BAZ2B: variants seen among roughly 807,000 people sequenced by gnomAD.
BAZ2B encodes the protein bromodomain adjacent to zinc finger domain protein 2B.
Under a neutral mutation model 246.0 loss-of-function variants are expected in BAZ2B, and 91 were observed. That is an observed-to-expected ratio of 0.37 (90% CI 0.31 to 0.44). The LOEUF is 0.44. Among genes scored for constraint, BAZ2B ranks in the 20% least tolerant of loss-of-function variants. The probability of loss-of-function intolerance (pLI) is 1.00; values close to 1 mark genes in which losing one functional copy is unlikely to be tolerated. For synonymous variants in BAZ2B, 855 were observed against 860.0 expected (o/e 0.99, Z 0.10); for missense variants, 2,332 against 2,533.7 (o/e 0.92, Z 1.71).
intron 2 of BAZ2B, among the ~76,000 whole-genome samples, chr2:159,499,680 A>T (rs1486825619): frequency 1.3e-5 from 2 of 152,088 alleles, no homozygotes; most frequent in Non-Finnish European, 2.9e-5. Context: ...CCTCACCAGC[A>T]TCTGTTGTTT....
chr2:159,468,589 C>G (rs2077374562), intron 3 of BAZ2B, among the ~76,000 whole-genome samples: 2 of 151,904 alleles, frequency 1.3e-5, no homozygotes, highest in African/African-American at 4.8e-5. Context: ...GAAGAATTAA[C>G]AAAGGAAAAT....
intron 3 of BAZ2B, chr2:159,462,098 T>C: frequency 3.9e-6 from 1 of 256,534 alleles, no homozygotes; most frequent in Non-Finnish European, 7.5e-6. Context: ...GCTAGGAAAC[T>C]TTTTTAAACA....
At chr2:159,666,312 T>C in the BAZ2B span, among the ~76,000 whole-genome samples, 1 of 146,792 alleles carries the variant, frequency 6.8e-6, no homozygotes, top group Non-Finnish European at 1.5e-5. Flanking sequence ...CAGGCTAGAG[T>C]GCAATGGCCC....
chr2:159,691,608 A>G, the BAZ2B span, among the ~76,000 whole-genome samples: 6 of 152,188 alleles, frequency 3.9e-5, no homozygotes, highest in African/African-American at 1.4e-4. Context: ...CTCAATCTAT[A>G]GTACATCTCA....
intron 19 of BAZ2B, 22 bp downstream of exon 19, chr2:159,397,323 G>A: frequency 6.7e-7 from 1 of 1,483,620 alleles, no homozygotes; most frequent in Non-Finnish European, 9.2e-7. Context: ...TTCAACAATT[G>A]TATAACTATA....
chr2:159,651,501 T>G, the BAZ2B span, among the ~76,000 whole-genome samples: 1 of 152,202 alleles, frequency 6.6e-6, no homozygotes, highest in Non-Finnish European at 1.5e-5. Context: ...TTATTATGTT[T>G]TCAAGAGTAC....
At chr2:159,464,025 AT>A (rs1323498222) in intron 3 of BAZ2B, 1 of 152,040 alleles carries the variant, frequency 6.6e-6, no homozygotes, top group Admixed American at 6.6e-5. Flanking sequence ...TTAAGTAGTT[AT>A]TTTGAGATTA....
At chr2:159,462,852 T>C in intron 3 of BAZ2B, 1 of 1,594,106 alleles carries the variant, frequency 6.3e-7, no homozygotes, top group South Asian at 1.1e-5. Flanking sequence ...GTTGGAATAA[T>C]GGTCTTTCAC....
chr2:159,611,593 G>A (rs894304131), intron 1 of BAZ2B, among the ~76,000 whole-genome samples: 2 of 151,908 alleles, frequency 1.3e-5, no homozygotes, highest in African/African-American at 4.8e-5. Context: ...TTATATTGTA[G>A]AGGAAGTTTT....
chr2:159,508,435 A>C (rs2082562635), intron 2 of BAZ2B, among the ~76,000 whole-genome samples: 1 of 152,156 alleles, frequency 6.6e-6, no homozygotes, highest in South Asian at 2.1e-4. Flanking sequence ...TGTTACAATT[A>C]TATGCTCTAT....
chr2:159,418,228 A>G (rs1358109933), intron 13 of BAZ2B, among the ~76,000 whole-genome samples: 2 of 152,234 alleles, frequency 1.3e-5, no homozygotes, highest in Non-Finnish European at 2.9e-5. Flanking sequence ...AAGAAAGAAA[A>G]TATTTCTTTT....
intron 31 of BAZ2B, among the ~76,000 whole-genome samples, chr2:159,344,395 G>A (rs6714457): frequency 3.9e-5 from 6 of 151,954 alleles, no homozygotes; most frequent in African/African-American, 9.7e-5. Flanking sequence ...TTAGCCAGGC[G>A]TGGTGGTGCA....
intron 24 of BAZ2B, among the ~76,000 whole-genome samples, chr2:159,383,165 G>A (rs1289224973): frequency 6.6e-6 from 1 of 152,116 alleles, no homozygotes; most frequent in African/African-American, 2.4e-5. Context: ...TAACATAGGA[G>A]TAATTTCTGC....
chr2:159,695,766 T>C, the BAZ2B span, among the ~76,000 whole-genome samples: 2 of 152,094 alleles, frequency 1.3e-5, no homozygotes. Context: ...TTATTTTTAT[T>C]TTTTTTGAGA....
intron 1 of BAZ2B, among the ~76,000 whole-genome samples, chr2:159,591,477 A>G (rs569518183): frequency 6.6e-6 from 1 of 152,304 alleles, no homozygotes; most frequent in South Asian, 2.1e-4. Flanking sequence ...ACACTTTAAG[A>G]TAACAGCTAA....
At chr2:159,628,346 G>A in the BAZ2B span, among the ~76,000 whole-genome samples, 10 of 152,266 alleles carry the variant, frequency 6.6e-5, no homozygotes, top group African/African-American at 2.2e-4. Flanking sequence ...AACCAAAAAT[G>A]AGCCCGCATG....
At chr2:159,403,097 G>A (rs1375787733) in intron 16 of BAZ2B, among the ~76,000 whole-genome samples, 1 of 152,040 alleles carries the variant, frequency 6.6e-6, no homozygotes, top group Non-Finnish European at 1.5e-5. Flanking sequence ...AGGACTATCT[G>A]GTGATATTTT....
chr2:159,622,007 G>A, the BAZ2B span, among the ~76,000 whole-genome samples: 1 of 152,068 alleles, frequency 6.6e-6, no homozygotes, highest in East Asian at 1.9e-4. Flanking sequence ...ATGGGAGGCT[G>A]AGGCAGGAGA....
At chr2:159,548,504 T>C (rs1451474143) in intron 2 of BAZ2B, among the ~76,000 whole-genome samples, 1 of 142,648 alleles carries the variant, frequency 7.0e-6, no homozygotes, top group East Asian at 2.0e-4. Flanking sequence ...ATCTGTAGAA[T>C]GTAATGATAT....
Sources: allele counts gnomAD v4.1 joint callset (sites outside exome capture counted in the v4.1 genomes callset), GRCh38; gene constraint gnomAD v4.1.1; transcripts MANE v1.5; gene names NCBI Gene and HGNC (gene_info 2026-07-23, HGNC 2026-07-21).